BCAS3: variants seen among roughly 807,000 people sequenced by gnomAD.
BCAS3 encodes the protein BCAS3 microtubule associated cell migration factor, also known as BCAS4/BCAS3 fusion.
A neutral mutation model predicts 116.1 loss-of-function variants in BCAS3; 53 were observed. That is an observed-to-expected ratio of 0.46 (90% CI 0.37 to 0.57). The LOEUF (loss-of-function observed/expected upper bound fraction) is 0.57. Ranked by LOEUF, BCAS3 falls within the 20% of genes least tolerant of loss-of-function variation. The probability of loss-of-function intolerance (pLI) is 0.00; values close to 1 mark genes in which losing one functional copy is unlikely to be tolerated. For synonymous variants in BCAS3, 391 were observed against 408.2 expected (o/e 0.96, Z 0.51); for missense variants, 917 against 1,165.4 (o/e 0.79, Z 3.10).
At chr17:60,800,377 T>C (rs1279478748) in intron 6 of BCAS3, among the ~76,000 whole-genome samples, 1 of 152,196 alleles carries the variant, frequency 6.6e-6, no homozygotes, top group African/African-American at 2.4e-5. Flanking sequence ...CTGTGCTGAT[T>C]TGCCATCCAT....
Position 61,339,605 on chromosome 17 carries a change from A to T in BCAS3, c.2426-28722A>T, listed in dbSNP as rs2056988870. Among the ~76,000 whole-genome samples, 2 of 152,132 alleles carry T rather than the reference A, an allele frequency of 1.3e-5. No homozygotes were observed. The highest frequency in any genetic ancestry group is 6.6e-5 in the Admixed American group (1 of 15,264). On this transcript the variant is annotated intron_variant, in intron 22 of 23. Coordinates refer to ENST00000407086, the MANE Select transcript of BCAS3 (RefSeq NM_017679.5). This position sits in a 1 kb window ranked among gnomAD's most constrained non-coding sequence, Gnocchi z 4.4. ...ACATGGTGAAACCCCTTCTCTACTA[A>T]GAATACAAAAATTAGCCGGGCGTGG...
In BCAS3 at chr17:61,200,283, A is replaced by C. The variant is rs944509763; in HGVS notation, c.2425+115719A>C. 6.6e-6 allele frequency among the ~76,000 whole-genome samples: 1 copy of C among 152,236 alleles called. No individual in the cohort carries two copies. Among genetic ancestry groups the C allele is most frequent in the African/African-American group, 2.4e-5 (1 of 41,456 alleles). ...GGTCTGAGCGAATGAGAAGGAGATT[A>C]ATATTAATACAATTAGTTAGTTAGC... is the stretch of plus-strand genomic sequence containing the variant. On this transcript the variant is annotated intron_variant, in intron 22 of 23. Transcript: ENST00000407086. This position sits in a 1 kb window ranked among gnomAD's most constrained non-coding sequence, Gnocchi z 5.1.
In BCAS3 at chr17:61,126,942, A is replaced by C. The variant is rs2076076060; in HGVS notation, c.2425+42378A>C. ...GATTTCTTTCTGGGTTATTTTTCCA[A>C]GCGGGTAGTAGAACGCCCAAGGTTA... On this transcript the variant is annotated intron_variant, in intron 22 of 23. Transcript: ENST00000407086. This position sits in a 1 kb window ranked among gnomAD's most constrained non-coding sequence, Gnocchi z 4.6. Among the ~76,000 whole-genome samples, 1 of 152,308 alleles carries C rather than the reference A, an allele frequency of 6.6e-6. No homozygotes were observed. The highest frequency in any genetic ancestry group is 2.4e-5 in the African/African-American group (1 of 41,576).
chr17:60,867,419 A>T (rs567251523), intron 7 of BCAS3, among the ~76,000 whole-genome samples: 2 of 152,198 alleles, frequency 1.3e-5, no homozygotes, highest in African/African-American at 4.8e-5. Flanking sequence ...GTAGGTTTTT[A>T]AAAAACCATT....
chr17:60,936,824 A>T (rs2059956433), intron 13 of BCAS3, among the ~76,000 whole-genome samples: 2 of 152,184 alleles, frequency 1.3e-5, no homozygotes, highest in East Asian at 1.9e-4. Context: ...GTTCACTCTG[A>T]TGGTAGTTTC....
At chr17:60,780,144 C>T (rs1040988601) in intron 6 of BCAS3, among the ~76,000 whole-genome samples, 1 of 151,880 alleles carries the variant, frequency 6.6e-6, no homozygotes, top group African/African-American at 2.4e-5. Context: ...GCACGTGCCA[C>T]CACACCCAGC....
chr17:61,100,874 TG>T (rs61217690), intron 22 of BCAS3, among the ~76,000 whole-genome samples: 21,913 of 151,836 alleles, frequency 0.14, 4,943 homozygotes, highest in African/African-American at 0.49. Flanking sequence ...TTAGATTTTT[TG>T]TTTTCAACAG....
chr17:60,952,805 C>G (rs2060917790), intron 14 of BCAS3, among the ~76,000 whole-genome samples: 1 of 151,974 alleles, frequency 6.6e-6, no homozygotes. Context: ...AGTGTCTGTT[C>G]CCTCTATGTG....
chr17:60,730,206 G>C (rs2040320333), intron 5 of BCAS3, among the ~76,000 whole-genome samples: 1 of 152,192 alleles, frequency 6.6e-6, no homozygotes, highest in East Asian at 1.9e-4. Flanking sequence ...AAGGGGAAAG[G>C]TTAAAGTTGC....
chr17:60,716,699 A>G (rs1200891457), intron 5 of BCAS3, among the ~76,000 whole-genome samples: 1 of 149,404 alleles, frequency 6.7e-6, no homozygotes, highest in East Asian at 1.9e-4. Flanking sequence ...TGGGTGACAG[A>G]GCAAGACCCT....
intron 20 of BCAS3, among the ~76,000 whole-genome samples, chr17:61,076,655 C>T (rs770393969): frequency 7.2e-5 from 11 of 152,060 alleles, no homozygotes; most frequent in East Asian, 1.9e-4. Flanking sequence ...TGTGTTTGTC[C>T]GGCACACAAC....
intron 16 of BCAS3, among the ~76,000 whole-genome samples, chr17:61,016,387 T>C (rs1027139148): frequency 1.3e-5 from 2 of 152,196 alleles, no homozygotes; most frequent in African/African-American, 4.8e-5. Flanking sequence ...TGTGATGTCA[T>C]TGGTAGTTTT....
rs2143183891 is a variant in BCAS3, at chr17:61,337,052, G to T, written c.2426-31275G>T. Among the ~76,000 whole-genome samples, 1 of 152,200 alleles carries T rather than the reference G, an allele frequency of 6.6e-6. No homozygotes were observed. Among genetic ancestry groups the T allele is most frequent in the Admixed American group, 6.5e-5 (1 of 15,284 alleles). ...CACTTGAACCTGGGAGGTGGAGGTT[G>T]CAGTGAGCCAAGATTGCCTCATTGC... is the stretch of plus-strand genomic sequence containing the variant. On this transcript the variant is annotated intron_variant, in intron 22 of 23. Transcript: ENST00000407086. This position sits in a 1 kb window ranked among gnomAD's most constrained non-coding sequence, Gnocchi z 4.8.
intron 22 of BCAS3, among the ~76,000 whole-genome samples, chr17:61,334,675 A>AAC (rs1168381474): frequency 0.077 from 11,239 of 146,182 alleles, 657 homozygotes; most frequent in African/African-American, 0.15. Flanking sequence ...AAAAAAAAAA[A>AAC]AAAAAAAAAA....
At chr17:60,721,436 A>G (rs1181138755) in intron 5 of BCAS3, among the ~76,000 whole-genome samples, 1 of 152,222 alleles carries the variant, frequency 6.6e-6, no homozygotes, top group East Asian at 1.9e-4. Context: ...GGATTAAAAT[A>G]TCTTTTCCTG....
intron 5 of BCAS3, among the ~76,000 whole-genome samples, chr17:60,732,163 TAA>T (rs1031274868): frequency 1.3e-5 from 2 of 152,212 alleles, no homozygotes; most frequent in African/African-American, 4.8e-5. Flanking sequence ...TATTAATAAC[TAA>T]AGTCCTTAGA....
rs778314330 is a variant in BCAS3 at position 60,679,560 on chromosome 17, A to T, written c.83+20A>T. 2 of 1,565,806 alleles carry T rather than the reference A, an allele frequency of 1.3e-6. No individual in the cohort carries two copies. Among genetic ancestry groups the T allele is most frequent in the Non-Finnish European group, 1.8e-6 (2 of 1,138,748 alleles). Reference sequence around the variant, plus strand: ...TGTCACGTAAGCACATTTCAGATAAACCCAATAGCTGAAGAAAAGATTACT... The same window carrying T: ...TGTCACGTAAGCACATTTCAGATAATCCCAATAGCTGAAGAAAAGATTACT... On this transcript the variant is annotated intron_variant, in intron 2 of 23. Transcript: ENST00000407086.
At position 61,365,201 on chromosome 17, in the gene BCAS3, C is replaced by A. The variant is rs1426277887; in HGVS notation, c.2426-3126C>A. On this transcript the variant is annotated intron_variant, in intron 22 of 23. Coordinates refer to ENST00000407086, the MANE Select transcript of BCAS3 (RefSeq NM_017679.5). This position sits in a 1 kb window ranked among gnomAD's most constrained non-coding sequence, Gnocchi z 4.6. ...TCCATCCACCACTATGACACTAGCT[C>A]ATGATTCTTTTCTCGTGCGTACTGT... Among the ~76,000 whole-genome samples the A allele has an allele frequency of 6.6e-6, 1 of 152,192 alleles. No individual in the cohort carries two copies. The highest frequency in any genetic ancestry group is 1.5e-5 in the Non-Finnish European group (1 of 68,026).
rs971794324 is a variant in BCAS3, at chr17:61,017,294, T to C, written c.1637+1393T>C. 1.3e-5 allele frequency among the ~76,000 whole-genome samples: 2 copies of C among 152,168 alleles called. No homozygotes were observed. Among genetic ancestry groups the C allele is most frequent in the African/African-American group, 2.4e-5 (1 of 41,444 alleles). On this transcript the variant is annotated intron_variant, in intron 16 of 23. Transcript: ENST00000407086. This position sits in a 1 kb window ranked among gnomAD's most constrained non-coding sequence, Gnocchi z 4.7. ...CATTCCTGGGATGTAGAATCAAAAA[T>C]GGGACTAAATCTGGAATCATAACTT...
Sources: gnomAD v4.1 joint callset for allele counts (sites outside exome capture counted in the v4.1 genomes callset) on GRCh38, gnomAD v4.1.1 for gene constraint, Gnocchi (gnomAD v3.1) non-coding constraint, MANE v1.5 for transcripts, NCBI Gene and HGNC (gene_info 2026-07-23, HGNC 2026-07-21) for gene names.